Variants in PRKCA observed in about 807,000 individuals in gnomAD.
The protein encoded by PRKCA is protein kinase C alpha type.
PRKCA carries 27 observed loss-of-function variants against 87.0 expected under a neutral mutation model. The ratio of observed to expected loss-of-function variants is 0.31; its 90% CI spans 0.23 to 0.43. PRKCA has a LOEUF of 0.43. PRKCA is among the 20% of genes least tolerant of loss of function. The pLI, the probability that PRKCA is intolerant of heterozygous loss-of-function variation, is 1.00. For synonymous variants in PRKCA, 329 were observed against 311.1 expected, an observed-to-expected ratio of 1.06 and a Z score of -0.61; for missense variants, 518 against 852.3, an observed-to-expected ratio of 0.61 and a Z score of 4.88.
intron 5 of PRKCA, among the ~76,000 whole-genome samples, chr17:66,661,663 A>G (rs577932284): frequency 6.6e-6 from 1 of 152,360 alleles, no homozygotes; most frequent in Admixed American, 6.5e-5. Context: ...CACCCAGTGC[A>G]TTAATCACCC....
chr17:66,678,421 G>A (rs1972394532), intron 5 of PRKCA, among the ~76,000 whole-genome samples: 1 of 152,210 alleles, frequency 6.6e-6, no homozygotes, highest in African/African-American at 2.4e-5. Context: ...GCAGCCACAG[G>A]AAACTGAGGA....
At chr17:66,313,000 A>G (rs1327121945) in intron 2 of PRKCA, among the ~76,000 whole-genome samples, 1 of 152,018 alleles carries the variant, frequency 6.6e-6, no homozygotes, top group Admixed American at 6.6e-5. Context: ...CGGCATCCCA[A>G]AGTGCTGGGA....
chr17:66,645,589 G>A, intron 5 of PRKCA, 78 bp downstream of exon 5: 1 of 1,581,444 alleles, frequency 6.3e-7, no homozygotes, highest in Non-Finnish European at 8.6e-7. Flanking sequence ...GGCAGGGTGG[G>A]GGCTGGGCTG....
intron 14 of PRKCA, chr17:66,777,432 C>G (rs895717976): frequency 7.6e-6 from 2 of 263,118 alleles, no homozygotes; most frequent in African/African-American, 6.4e-5. Flanking sequence ...CCCCTCCCCC[C>G]ACCCCAAATC....
chr17:66,309,683 A>G (rs1904997347), intron 2 of PRKCA, among the ~76,000 whole-genome samples: 1 of 152,200 alleles, frequency 6.6e-6, no homozygotes. Context: ...GACCCTTTTT[A>G]CATGACTTGG....
At chr17:66,549,715 G>GT (rs1346433526) in intron 3 of PRKCA, among the ~76,000 whole-genome samples, 3 of 150,668 alleles carry the variant, frequency 2.0e-5, no homozygotes, top group Non-Finnish European at 4.4e-5. Context: ...AGAGAGAGGA[G>GT]TAAAAAAAGA....
chr17:66,378,015 C>A (rs7502064), intron 2 of PRKCA, among the ~76,000 whole-genome samples: 120,386 of 152,030 alleles, frequency 0.79, 48,171 homozygotes, highest in South Asian at 0.87. Context: ...TATTGTACCC[C>A]ACATGTTAAT....
chr17:66,709,642 A>G (rs2144121063), intron 8 of PRKCA, among the ~76,000 whole-genome samples: 1 of 151,188 alleles, frequency 6.6e-6, no homozygotes, highest in Non-Finnish European at 1.5e-5. Context: ...TTTTTCTCAC[A>G]TTAGTACTTG....
At chr17:66,727,834 G>A (rs112217400) in intron 8 of PRKCA, among the ~76,000 whole-genome samples, 82 of 152,216 alleles carry the variant, frequency 5.4e-4, no homozygotes, top group Non-Finnish European at 9.3e-4. Flanking sequence ...GTCAAGCCTC[G>A]CGCTGCATCT....
intron 2 of PRKCA, among the ~76,000 whole-genome samples, chr17:66,339,274 C>A (rs960959845): frequency 6.6e-6 from 1 of 152,168 alleles, no homozygotes; most frequent in African/African-American, 2.4e-5. Context: ...AGTGAGCTAG[C>A]ATTGAGATTC....
chr17:66,677,891 C>G (rs60789206), intron 5 of PRKCA, among the ~76,000 whole-genome samples: 2,035 of 152,282 alleles, frequency 0.013, 40 homozygotes, highest in African/African-American at 0.047. Flanking sequence ...TAGTGGTTTT[C>G]AGTATATTCA....
At chr17:66,664,074 G>T (rs530120996) in intron 5 of PRKCA, among the ~76,000 whole-genome samples, 34 of 152,158 alleles carry the variant, frequency 2.2e-4, no homozygotes, top group African/African-American at 7.9e-4. Flanking sequence ...CGCCATGTTG[G>T]CCGGGCAGGT....
At chr17:66,793,008 C>T (rs1283980613) in intron 16 of PRKCA, among the ~76,000 whole-genome samples, 1 of 152,236 alleles carries the variant, frequency 6.6e-6, no homozygotes, top group East Asian at 1.9e-4. Context: ...GGGACAATCA[C>T]TTCTCAGGGA....
intron 13 of PRKCA, among the ~76,000 whole-genome samples, chr17:66,771,722 A>C (rs1029184296): frequency 2.0e-5 from 3 of 152,008 alleles, no homozygotes; most frequent in African/African-American, 4.8e-5. Context: ...CAGCCTCCCA[A>C]GTAGCTGGGA....
At chr17:66,538,966 A>G (rs117787820) in intron 3 of PRKCA, among the ~76,000 whole-genome samples, 49 of 152,204 alleles carry the variant, frequency 3.2e-4, no homozygotes, top group Non-Finnish European at 6.3e-4. Context: ...TAGGCATATT[A>G]ACAGTTATGC....
chr17:66,412,290 C>T (rs1287591154), intron 2 of PRKCA, among the ~76,000 whole-genome samples: 1 of 152,126 alleles, frequency 6.6e-6, no homozygotes, highest in African/African-American at 2.4e-5. Context: ...CTCCTGAGCT[C>T]AAGTCGTCCA....
At chr17:66,575,906 G>A (rs1969224711) in intron 3 of PRKCA, among the ~76,000 whole-genome samples, 1 of 152,096 alleles carries the variant, frequency 6.6e-6, no homozygotes, top group Non-Finnish European at 1.5e-5. Context: ...ATGAGGTCAG[G>A]AGTTTGAGAC....
chr17:66,431,907 G>A (rs1913117085), intron 2 of PRKCA, among the ~76,000 whole-genome samples: 1 of 152,114 alleles, frequency 6.6e-6, no homozygotes, highest in South Asian at 2.1e-4. Flanking sequence ...CCGTCCCATG[G>A]AAAACCAGTA....
intron 3 of PRKCA, among the ~76,000 whole-genome samples, chr17:66,585,437 T>C (rs1442973806): frequency 1.3e-5 from 2 of 152,244 alleles, no homozygotes; most frequent in Admixed American, 1.3e-4. Flanking sequence ...GGGGCTGCTT[T>C]TTGTTAAAAC....
Sources: allele counts gnomAD v4.1 joint callset (sites outside exome capture counted in the v4.1 genomes callset), GRCh38; gene constraint gnomAD v4.1.1; transcripts MANE v1.5; gene names NCBI Gene and HGNC (gene_info 2026-07-23, HGNC 2026-07-21).